WDFY3: variants seen among roughly 807,000 people sequenced by gnomAD.
The protein encoded by WDFY3 is WD repeat and FYVE domain-containing protein 3.
A neutral mutation model predicts 409.6 loss-of-function variants in WDFY3; 66 were observed. That is an observed-to-expected ratio of 0.16 (90% CI 0.13 to 0.20). WDFY3 has a LOEUF of 0.20. Ranked by LOEUF, WDFY3 falls within the 10% of genes least tolerant of loss-of-function variation. The pLI is 1.00. For synonymous variants in WDFY3, 1,521 were observed against 1,537.1 expected (o/e 0.99, Z 0.25); for missense variants, 3,031 against 4,298.1 (o/e 0.71, Z 8.24).
At chr4:84,870,243 G>A (rs1429477629) in intron 3 of WDFY3, among the ~76,000 whole-genome samples, 1 of 152,120 alleles carries the variant, frequency 6.6e-6, no homozygotes, top group African/African-American at 2.4e-5. Flanking sequence ...AATGTAAAGA[G>A]CTTTGAAATC....
chr4:84,903,052 A>G (rs1766553782), intron 2 of WDFY3, among the ~76,000 whole-genome samples: 1 of 152,194 alleles, frequency 6.6e-6, no homozygotes, highest in Non-Finnish European at 1.5e-5. Context: ...CAAATCACGA[A>G]GAATATAAGG....
intron 21 of WDFY3, among the ~76,000 whole-genome samples, 172 bp downstream of exon 21, chr4:84,794,347 G>C (rs1375076921): frequency 6.6e-6 from 1 of 152,084 alleles, no homozygotes; most frequent in African/African-American, 2.4e-5. Flanking sequence ...AGTCTCTTTT[G>C]AAAGTGCCTT....
intron 45 of WDFY3, among the ~76,000 whole-genome samples, chr4:84,724,984 T>C (rs1006410130): frequency 6.6e-6 from 1 of 152,180 alleles, no homozygotes; most frequent in African/African-American, 2.4e-5. Context: ...GGAACTTCAC[T>C]TCCACCCCAA....
chr4:84,861,280 T>C (rs1309311875), intron 3 of WDFY3, among the ~76,000 whole-genome samples: 1 of 152,122 alleles, frequency 6.6e-6, no homozygotes, highest in East Asian at 1.9e-4. Context: ...TAATGGTTAA[T>C]GTAAAAATAA....
At chr4:84,925,329 A>T (rs935621969) in intron 2 of WDFY3, among the ~76,000 whole-genome samples, 22 of 152,090 alleles carry the variant, frequency 1.4e-4, no homozygotes, top group African/African-American at 1.4e-4. Context: ...GAAGTTTTTT[A>T]AAAAAAATCT....
At chr4:84,772,360 A>G (rs1425028511) in intron 30 of WDFY3, among the ~76,000 whole-genome samples, 3 of 152,148 alleles carry the variant, frequency 2.0e-5, no homozygotes, top group Non-Finnish European at 4.4e-5. Flanking sequence ...CTTACAACTT[A>G]TGAAATTATT....
chr4:84,741,707 C>T, intron 38 of WDFY3, 54 bp downstream of exon 38: 2 of 1,483,900 alleles, frequency 1.3e-6, no homozygotes, highest in Non-Finnish European at 9.0e-7. Flanking sequence ...ATTTTGACAC[C>T]ATAGGCAAAA....
chr4:84,819,498 T>G (rs182332999), intron 12 of WDFY3, among the ~76,000 whole-genome samples: 86 of 152,204 alleles, frequency 5.7e-4, no homozygotes, highest in Non-Finnish European at 1.6e-4. Context: ...TGAGAGTTGT[T>G]TGATGTTAAT....
At chr4:84,702,228 G>GC (rs1177226049) in intron 56 of WDFY3, 125 bp downstream of exon 56, 1 of 1,097,210 alleles carries the variant, frequency 9.1e-7, no homozygotes, top group African/African-American at 1.6e-5. Flanking sequence ...GCAAATGACT[G>GC]CAAGAAACTG....
chr4:84,844,559 C>T (rs1757824409), intron 5 of WDFY3: 5 of 1,270,412 alleles, frequency 3.9e-6, no homozygotes, highest in South Asian at 3.7e-5. Context: ...CACTAAATTC[C>T]ACTAATCCCA....
chr4:84,813,818 A>G (rs1260057416), intron 13 of WDFY3, among the ~76,000 whole-genome samples: 1 of 152,206 alleles, frequency 6.6e-6, no homozygotes, highest in Non-Finnish European at 1.5e-5. Flanking sequence ...GAAGCCATCT[A>G]TGTTCTCCCA....
intron 6 of WDFY3, among the ~76,000 whole-genome samples, chr4:84,839,186 T>C (rs901357346): frequency 6.6e-6 from 1 of 152,172 alleles, no homozygotes; most frequent in African/African-American, 2.4e-5. Flanking sequence ...ATAGAAAATA[T>C]GAATAAATGT....
At chr4:84,944,548 G>A (rs1437398364) in intron 1 of WDFY3, among the ~76,000 whole-genome samples, 1 of 150,202 alleles carries the variant, frequency 6.7e-6, no homozygotes, top group Non-Finnish European at 1.5e-5. Context: ...AACAGGCTGG[G>A]TGCAGTGGCT....
intron 34 of WDFY3, among the ~76,000 whole-genome samples, chr4:84,754,118 G>A (rs1461238758): frequency 1.3e-5 from 2 of 151,928 alleles, no homozygotes; most frequent in Admixed American, 6.6e-5. Context: ...TAGATTAATC[G>A]CAGGTCTGCT....
intron 2 of WDFY3, among the ~76,000 whole-genome samples, chr4:84,922,840 C>T (rs1299480543): frequency 2.6e-5 from 4 of 152,116 alleles, no homozygotes; most frequent in Non-Finnish European, 5.9e-5. Flanking sequence ...CTGCCTCAGT[C>T]TCCTAAAGTG....
At chr4:84,918,931 TA>T (rs1768893968) in intron 2 of WDFY3, among the ~76,000 whole-genome samples, 1 of 151,556 alleles carries the variant, frequency 6.6e-6, no homozygotes, top group Non-Finnish European at 1.5e-5. Context: ...TATCCAGCAA[TA>T]ACATATATAC....
chr4:84,861,028 T>C (rs1484660), intron 3 of WDFY3, among the ~76,000 whole-genome samples: 65,721 of 151,800 alleles, frequency 0.43, 14,448 homozygotes, highest in Admixed American at 0.5. Flanking sequence ...CTGGGCAATA[T>C]GACAAAACCC....
intron 1 of WDFY3, among the ~76,000 whole-genome samples, chr4:84,957,028 T>C (rs1774321261): frequency 7.0e-6 from 1 of 142,376 alleles, no homozygotes; most frequent in South Asian, 2.3e-4. Flanking sequence ...CCTAAGAAAA[T>C]CATTAATAAT....
At chr4:84,802,246 A>G in intron 16 of WDFY3, among the ~76,000 whole-genome samples, 1 of 145,224 alleles carries the variant, frequency 6.9e-6, no homozygotes, top group East Asian at 2.1e-4. Context: ...CGCACCCGGC[A>G]GAAGCATACT....
Sources: allele counts gnomAD v4.1 joint callset (sites outside exome capture counted in the v4.1 genomes callset), GRCh38; gene constraint gnomAD v4.1.1; transcripts MANE v1.5; gene names NCBI Gene and HGNC (gene_info 2026-07-23, HGNC 2026-07-21).